Variants in MME observed in about 807,000 individuals in gnomAD.
The protein encoded by MME is membrane metalloendopeptidase.
Under a neutral mutation model 113.2 loss-of-function variants are expected in MME, and 98 were observed. That is an observed-to-expected ratio of 0.87 (90% CI 0.74 to 1.02). MME has a LOEUF of 1.02. MME is among the 50% of genes least tolerant of loss of function. The pLI is 0.00. For synonymous variants in MME, 292 were observed against 300.6 expected, an observed-to-expected ratio of 0.97 and a Z score of 0.30; for missense variants, 836 against 896.0, an observed-to-expected ratio of 0.93 and a Z score of 0.86.
chr3:155,086,979 G>GT (rs1208777555), intron 3 of MME, among the ~76,000 whole-genome samples: 32 of 145,590 alleles, frequency 2.2e-4, no homozygotes, highest in African/African-American at 8.1e-4. Context: ...TAGGTTGTGG[G>GT]TTTTTTGTTT....
chr3:155,062,624 C>T (rs1461890232), intron 1 of MME, among the ~76,000 whole-genome samples: 1 of 151,934 alleles, frequency 6.6e-6, no homozygotes, highest in Non-Finnish European at 1.5e-5. Flanking sequence ...TTTGGGGAAA[C>T]AATAGGCAAT....
At chr3:155,172,656 C>T in intron 22 of MME, 44 bp downstream of exon 22, 1 of 1,340,326 alleles carries the variant, frequency 7.5e-7, no homozygotes, top group Non-Finnish European at 1.1e-6. Flanking sequence ...TATATTGGGT[C>T]CATTGCTTCC....
At chr3:155,038,854 G>C (rs1713216102) in intron 1 of MME, among the ~76,000 whole-genome samples, 1 of 151,920 alleles carries the variant, frequency 6.6e-6, no homozygotes, top group Non-Finnish European at 1.5e-5. Flanking sequence ...TGAATATCTG[G>C]GTTGTCTACA....
chr3:155,159,701 G>A (rs549753392), intron 16 of MME, among the ~76,000 whole-genome samples: 131 of 151,958 alleles, frequency 8.6e-4, no homozygotes, highest in African/African-American at 3.0e-3. Context: ...CCTGAAGTCA[G>A]GAACTGTATT....
At chr3:155,080,714 A>G (rs904741982) in intron 1 of MME, among the ~76,000 whole-genome samples, 1 of 152,156 alleles carries the variant, frequency 6.6e-6, no homozygotes, top group African/African-American at 2.4e-5. Flanking sequence ...TTTCAAAATA[A>G]GGGTAATTGC....
intron 1 of MME, chr3:155,083,835 C>CT (rs1217434185): frequency 5.4e-5 from 17 of 316,574 alleles, no homozygotes; most frequent in South Asian, 3.7e-4. Flanking sequence ...CAATTATTTG[C>CT]TTATAAACTG....
At chr3:155,039,664 T>C (rs945958211) in intron 1 of MME, among the ~76,000 whole-genome samples, 1 of 152,130 alleles carries the variant, frequency 6.6e-6, no homozygotes, top group Non-Finnish European at 1.5e-5. Flanking sequence ...ACTGCAATTA[T>C]GTAAGAGAAT....
chr3:155,146,245 G>A (rs76959956), intron 14 of MME, among the ~76,000 whole-genome samples: 2,842 of 152,130 alleles, frequency 0.019, 67 homozygotes, highest in East Asian at 0.12. Flanking sequence ...TGATAAATAG[G>A]CCAGGTGCAG....
intron 1 of MME, among the ~76,000 whole-genome samples, chr3:155,067,804 G>C (rs1423362791): frequency 6.6e-6 from 1 of 152,070 alleles, no homozygotes; most frequent in Non-Finnish European, 1.5e-5. Flanking sequence ...AAGAATGTAG[G>C]GCAAATGGAA....
At chr3:155,061,323 A>C (rs113869945) in intron 1 of MME, among the ~76,000 whole-genome samples, 4 of 151,520 alleles carry the variant, frequency 2.6e-5, no homozygotes, top group African/African-American at 7.3e-5. Flanking sequence ...TGGTGGCAGG[A>C]GCCTGTAGTC....
intron 3 of MME, among the ~76,000 whole-genome samples, chr3:155,107,958 G>A (rs76631842): frequency 0.014 from 2,190 of 152,282 alleles, 50 homozygotes; most frequent in African/African-American, 0.051. Flanking sequence ...GAGAAAATAT[G>A]AGCAATGGAT....
At chr3:155,128,124 G>C (rs1719836017) in intron 8 of MME, among the ~76,000 whole-genome samples, 1 of 152,188 alleles carries the variant, frequency 6.6e-6, no homozygotes, top group African/African-American at 2.4e-5. Context: ...CCTTTCAGTG[G>C]AAGGGAGTTG....
At chr3:155,087,320 C>A (rs1167686028) in intron 3 of MME, among the ~76,000 whole-genome samples, 7 of 149,916 alleles carry the variant, frequency 4.7e-5, no homozygotes, top group Non-Finnish European at 1.0e-4. Context: ...TGACTAGACA[C>A]CCTGAGATGT....
At position 155,183,099 on chromosome 3, in the gene MME, A is replaced by C. The variant is rs1051585651; in HGVS notation, c.*2640A>C. ...ATGATGGTAGGAAGAAGCTCTCGAC[A>C]ATACCCGTTGGCAAGGAGTCTGCCT... is the stretch of plus-strand genomic sequence containing the variant. On this transcript the variant is annotated 3_prime_UTR_variant, in exon 23 of 23. Transcript: ENST00000360490. 1 of 152,230 alleles carries C rather than the reference A, an allele frequency of 6.6e-6. No individual in the cohort carries two copies. Among genetic ancestry groups the C allele is most frequent in the African/African-American group, 2.4e-5 (1 of 41,466 alleles). 9.4% of individuals were successfully genotyped at this position (152,230 alleles called of 1,614,324 possible). A position where few individuals can be genotyped will look rare whatever the true frequency, so the allele number is the denominator to read the frequency against.
intron 1 of MME, 198 bp from the exon 2 acceptor site, chr3:155,083,960 T>C (rs1246782185): frequency 5.4e-5 from 30 of 556,844 alleles, no homozygotes; most frequent in Non-Finnish European, 9.3e-5. Flanking sequence ...AAACAAAAGG[T>C]TGTGACTGAG....
intron 3 of MME, among the ~76,000 whole-genome samples, chr3:155,088,458 C>T (rs1479219885): frequency 6.6e-6 from 1 of 151,988 alleles, no homozygotes; most frequent in Non-Finnish European, 1.5e-5. Flanking sequence ...CTGAGGCGGG[C>T]AGATCACCTG....
At chr3:155,029,892 A>C (rs1408751484) in intron 1 of MME, among the ~76,000 whole-genome samples, 1 of 152,216 alleles carries the variant, frequency 6.6e-6, no homozygotes, top group African/African-American at 2.4e-5. Flanking sequence ...TCACATACTC[A>C]TGACACATAT....
intron 3 of MME, among the ~76,000 whole-genome samples, chr3:155,098,198 G>C (rs1716896917): frequency 6.6e-6 from 1 of 152,060 alleles, no homozygotes; most frequent in Non-Finnish European, 1.5e-5. Context: ...TGAGATGATG[G>C]TTTCAGGGAT....
intron 12 of MME, 30 bp from the exon 13 acceptor site, chr3:155,143,413 C>A: frequency 6.2e-7 from 1 of 1,608,120 alleles, no homozygotes; most frequent in South Asian, 1.1e-5. Context: ...TCCTTCTGGT[C>A]AAATGCCATT....
Sources: gnomAD v4.1 joint callset for allele counts (sites outside exome capture counted in the v4.1 genomes callset) on GRCh38, gnomAD v4.1.1 for gene constraint, MANE v1.5 for transcripts, NCBI Gene and HGNC (gene_info 2026-07-23, HGNC 2026-07-21) for gene names.